CTIF: variants seen among roughly 807,000 people sequenced by gnomAD.
CTIF encodes the protein cap binding complex dependent translation initiation factor, also known as CBP80/20-dependent translation initiation factor.
A neutral mutation model predicts 66.0 loss-of-function variants in CTIF; 21 were observed. That is an observed-to-expected ratio of 0.32 (90% CI 0.23 to 0.46). The LOEUF is 0.46. Ranked by LOEUF, CTIF falls within the 20% of genes least tolerant of loss-of-function variation. CTIF has a pLI of 1.00. For missense variants in CTIF, 739 were observed against 812.7 expected (o/e 0.91, Z 1.10); for synonymous variants, 345 against 326.4 (o/e 1.06, Z -0.62).
chr18:48,541,282 C>G (rs960131537), intron 1 of CTIF, among the ~76,000 whole-genome samples: 1 of 152,146 alleles, frequency 6.6e-6, no homozygotes, highest in Non-Finnish European at 1.5e-5. Flanking sequence ...GGATTATCCC[C>G]CAGTCCAGGG....
At chr18:48,638,516 G>A (rs188497) in intron 3 of CTIF, among the ~76,000 whole-genome samples, 45,736 of 151,564 alleles carry the variant, frequency 0.3, 8,704 homozygotes, top group African/African-American at 0.54. Flanking sequence ...CTCACCTCCC[G>A]CACCCAGCTG....
intron 6 of CTIF, among the ~76,000 whole-genome samples, chr18:48,675,496 C>A (rs1181575460): frequency 6.6e-6 from 1 of 152,226 alleles, no homozygotes; most frequent in Non-Finnish European, 1.5e-5. Flanking sequence ...GCGCCAGCAG[C>A]CAAAGGCGTC....
rs767129116 is a variant in CTIF, at chr18:48,619,712, C to G, written c.147C>G (p.Gly49=). 6.2e-7 allele frequency: 1 copy of G among 1,603,906 alleles called. No individual in the cohort carries two copies. The highest frequency in any genetic ancestry group is 2.2e-5 in the East Asian group (1 of 44,450). ...GLLADKTEGD[G]ESERTQSHIS... ...TGGCTGACAAGACGGAGGGTGATGG[C>G]GAGAGCGAGAGGACCCAGTCCCACA... Residue 49 remains glycine (G), a synonymous_variant, in exon 2 of 12, where the codon GGC becomes GGG. Transcript: ENST00000256413.
intron 7 of CTIF, among the ~76,000 whole-genome samples, chr18:48,748,243 AG>A (rs1346191350): frequency 5.3e-5 from 8 of 151,940 alleles, no homozygotes; most frequent in Non-Finnish European, 1.2e-4. Context: ...ACCTCTCCCA[AG>A]GGGGAAAGGC....
intron 3 of CTIF, among the ~76,000 whole-genome samples, chr18:48,652,432 A>C (rs1406366976): frequency 6.6e-6 from 1 of 152,238 alleles, no homozygotes; most frequent in East Asian, 1.9e-4. Flanking sequence ...AGACTAAACC[A>C]GGAAGAAGCT....
intron 1 of CTIF, among the ~76,000 whole-genome samples, chr18:48,541,455 G>T (rs1390853968): frequency 2.6e-5 from 4 of 152,218 alleles, no homozygotes; most frequent in African/African-American, 9.6e-5. Context: ...CCGGCTGTCC[G>T]TTCCCAGTTC....
chr18:48,757,295 G>C (rs1908464325), intron 7 of CTIF, among the ~76,000 whole-genome samples: 1 of 152,100 alleles, frequency 6.6e-6, no homozygotes, highest in African/African-American at 2.4e-5. Context: ...TTCAACATAT[G>C]AAGTTTTGCG....
chr18:48,852,117 C>G (rs2069215730), intron 10 of CTIF, among the ~76,000 whole-genome samples: 1 of 151,398 alleles, frequency 6.6e-6, no homozygotes, highest in Non-Finnish European at 1.5e-5. Flanking sequence ...ACCCCTGCTC[C>G]CAGTTACTTG....
chr18:48,707,704 CT>C, intron 6 of CTIF, among the ~76,000 whole-genome samples: 1 of 152,054 alleles, frequency 6.6e-6, no homozygotes, highest in Middle Eastern at 3.4e-3. Flanking sequence ...TACTTTTTAC[CT>C]TTTTAATTGA....
rs552367446 is a variant in CTIF, at chr18:48,541,970, A to C, written c.-29+2658A>C. On this transcript the variant is annotated intron_variant, in intron 1 of 11. Transcript: ENST00000256413. Reference sequence around the variant, plus strand: ...TTGCATAAGGCCTCTGGGTGGGGGAAGGGCCACATTCCCCCTTTTCTCAGC... The same window carrying C: ...TTGCATAAGGCCTCTGGGTGGGGGACGGGCCACATTCCCCCTTTTCTCAGC... Among the ~76,000 whole-genome samples, 88 of 152,252 alleles carry C rather than the reference A, an allele frequency of 5.8e-4. 1 individual carries two copies. Among genetic ancestry groups the C allele is most frequent in the Non-Finnish European group, 6.3e-4 (43 of 68,014 alleles).
In CTIF at chr18:48,661,452, C is replaced by G. The variant is rs1005044719; in HGVS notation, c.253-2300C>G. ...TGGCTGCTATCCCCAATGATAATTA[C>G]ATTCGAGGCCCAGGAGGGGGGTGTG... On this transcript the variant is annotated intron_variant, in intron 3 of 11. Transcript: ENST00000256413. 2.4e-4 allele frequency among the ~76,000 whole-genome samples: 37 copies of G among 152,212 alleles called. 1 individual carries two copies. The highest frequency in any genetic ancestry group is 8.9e-4 in the African/African-American group (37 of 41,532).
At chr18:48,592,684 C>T (rs535740397) in intron 1 of CTIF, among the ~76,000 whole-genome samples, 49 of 152,286 alleles carry the variant, frequency 3.2e-4, no homozygotes, top group African/African-American at 1.0e-3. Context: ...TCCCATGACA[C>T]GCAACTTTTG....
intron 7 of CTIF, among the ~76,000 whole-genome samples, chr18:48,731,612 A>G (rs1401496235): frequency 6.6e-6 from 1 of 152,216 alleles, no homozygotes; most frequent in Non-Finnish European, 1.5e-5. Flanking sequence ...GTGTGGATGG[A>G]TGGGATTTCT....
intron 9 of CTIF, among the ~76,000 whole-genome samples, chr18:48,790,581 G>A (rs1256703333): frequency 2.6e-5 from 4 of 152,210 alleles, no homozygotes; most frequent in East Asian, 1.9e-4. Flanking sequence ...TTTCCTGAAA[G>A]ACTAAGAAAG....
intron 9 of CTIF, among the ~76,000 whole-genome samples, chr18:48,764,611 C>A (rs746178905): frequency 2.6e-5 from 4 of 152,192 alleles, no homozygotes; most frequent in Admixed American, 2.6e-4. Context: ...GGGAACCCCC[C>A]ACCCAAGGCA....
Position 48,619,541 on chromosome 18 carries a change from C to T in CTIF, c.-25C>T, listed in dbSNP as rs570222763. ...TCTCTGTCCTCTTTCCCACCAGTCC[C>T]GGCCCAGGCCCCTGAGCTGGAGGGA... On this transcript the variant is annotated 5_prime_UTR_variant, in exon 2 of 12. Transcript: ENST00000256413. The T allele has an allele frequency of 2.4e-5, 35 of 1,470,818 alleles. No homozygotes were observed. The highest frequency in any genetic ancestry group is 9.2e-5 in the Admixed American group (4 of 43,244). 91.1% of individuals were successfully genotyped at this position (1,470,818 alleles called of 1,614,324 possible).
chr18:48,684,599 A>G (rs1393486580), intron 6 of CTIF, among the ~76,000 whole-genome samples: 1 of 152,176 alleles, frequency 6.6e-6, no homozygotes, highest in Non-Finnish European at 1.5e-5. Flanking sequence ...ACCGAATTTT[A>G]CTTAAATGTT....
intron 1 of CTIF, among the ~76,000 whole-genome samples, chr18:48,548,488 CT>C (rs2088807750): frequency 1.3e-5 from 2 of 152,244 alleles, no homozygotes; most frequent in African/African-American, 4.8e-5. Context: ...AGCAAAATGT[CT>C]TTCTGTTCCT....
chr18:48,635,159 C>G (rs1190321473), intron 2 of CTIF, among the ~76,000 whole-genome samples: 1 of 152,132 alleles, frequency 6.6e-6, no homozygotes, highest in Non-Finnish European at 1.5e-5. Flanking sequence ...CCATCCTGGA[C>G]AAAGGTCATA....
Sources: gnomAD v4.1 joint callset for allele counts (sites outside exome capture counted in the v4.1 genomes callset) on GRCh38, gnomAD v4.1.1 for gene constraint, MANE v1.5 for transcripts, NCBI Gene and HGNC (gene_info 2026-07-23, HGNC 2026-07-21) for gene names.